Variants in GIT2 observed in about 807,000 individuals in gnomAD.
The protein encoded by GIT2 is GIT ArfGAP 2.
In GIT2, 32 loss-of-function variants were observed where a neutral mutation model predicts 100.3. The observed-to-expected ratio is 0.32, with a 90% CI of 0.24 to 0.43. The LOEUF is 0.43. GIT2 is among the 20% of genes least tolerant of loss of function. The pLI, the probability that GIT2 is intolerant of heterozygous loss-of-function variation, is 1.00. For synonymous variants in GIT2, 353 were observed against 364.1 expected (o/e 0.97, Z 0.35); for missense variants, 737 against 975.1 (o/e 0.76, Z 3.25).
At chr12:109,960,752 A>G (rs554615205) in intron 11 of GIT2, among the ~76,000 whole-genome samples, 1 of 152,320 alleles carries the variant, frequency 6.6e-6, no homozygotes, top group Non-Finnish European at 1.5e-5. Flanking sequence ...TGGTGCTTTG[A>G]TGAAAATCAC....
intron 11 of GIT2, among the ~76,000 whole-genome samples, chr12:109,960,790 G>A (rs1880865770): frequency 6.6e-6 from 1 of 151,978 alleles, no homozygotes; most frequent in Non-Finnish European, 1.5e-5. Context: ...TATTTTATTA[G>A]AGCATATTCT....
Position 109,959,889 on chromosome 12 carries a change from C to A in GIT2, c.1057G>T (p.Ala353Ser). The change falls in exon 12 of 20, where the codon GCC becomes TCC. Residue 353 changes from alanine to serine, a missense_variant. Ala to Ser is a moderately conservative substitution (Grantham distance 99). This residue lies in a region of GIT2 where 451 missense variants were observed against 543.7 expected (regional missense o/e 0.83). Coordinates refer to ENST00000355312, the MANE Select transcript of GIT2 (RefSeq NM_057169.5). ...GAACTGCCCTGCTGTCTCCTCTTGG[C>A]GTCACTGAGAATGTCAATGACCAGC... The part of the protein sequence containing the change: ...ATLVIDILSD[A>S]KRRQQGSSLS... The A allele has an allele frequency of 6.2e-7, 1 of 1,613,224 alleles. No individual in the cohort carries two copies. Among genetic ancestry groups the A allele is most frequent in the Non-Finnish European group, 8.5e-7 (1 of 1,179,232 alleles).
At chr12:109,972,016 T>A (rs1485791391) in intron 7 of GIT2, among the ~76,000 whole-genome samples, 5 of 151,176 alleles carry the variant, frequency 3.3e-5, no homozygotes, top group African/African-American at 9.8e-5. Flanking sequence ...AAAAAATATA[T>A]ATATATATAT....
chr12:109,947,651 G>C lies in GIT2; in HGVS notation c.1393-147C>G. 1 of 689,030 alleles carries C rather than the reference G, an allele frequency of 1.5e-6. No individual in the cohort carries two copies. Among genetic ancestry groups the C allele is most frequent in the Non-Finnish European group, 2.5e-6 (1 of 404,626 alleles). 42.7% of individuals were successfully genotyped at this position (689,030 alleles called of 1,614,324 possible). Reference sequence around the variant, plus strand: ...GAAAGTAAAAAGCCAATACAAACAAGGACCCTTTCTTCTGGATTGGGTGAA... The same window carrying C: ...GAAAGTAAAAAGCCAATACAAACAACGACCCTTTCTTCTGGATTGGGTGAA... On this transcript the variant is annotated intron_variant, in intron 14 of 19. Coordinates refer to ENST00000355312, the MANE Select transcript of GIT2 (RefSeq NM_057169.5). The surrounding 1 kb of genome is among the most constrained non-coding windows in gnomAD (Gnocchi z 4.3).
upstream of GIT2, among the ~76,000 whole-genome samples, chr12:110,000,000 G>C (rs1889866022): frequency 6.6e-6 from 1 of 152,122 alleles, no homozygotes; most frequent in South Asian, 2.1e-4. This position sits in a 1 kb window ranked among gnomAD's most constrained non-coding sequence, Gnocchi z 4.3. Context: ...TTCCAATAAC[G>C]CTGGTGGGTA....
At position 109,947,147 on chromosome 12, in the gene GIT2, TAGTCC is replaced by T; in HGVS notation, c.1641+104_1641+108del. ...ACAGCAAACACAATGGTAACTCTCT[TAGTCC>T]AATTTGGCAAAGCAGAGCTGTGGGG... On this transcript the variant is annotated intron_variant, in intron 15 of 19. Coordinates refer to ENST00000355312, the MANE Select transcript of GIT2 (RefSeq NM_057169.5). This position sits in a 1 kb window ranked among gnomAD's most constrained non-coding sequence, Gnocchi z 4.3. 3 of 985,406 alleles carry T rather than the reference TAGTCC, an allele frequency of 3.0e-6. No homozygotes were observed. The South Asian group carries it at 4.7e-5, about 15-fold the overall frequency. The allele number at this position is 985,406 out of a possible 1,614,324, so 61.0% of individuals were successfully genotyped here. A position where few individuals can be genotyped will look rare whatever the true frequency, so the allele number is the denominator to read the frequency against.
In GIT2 at chr12:109,932,800, G is replaced by A. The variant is rs543544336; in HGVS notation, c.*178C>T. On this transcript the variant is annotated 3_prime_UTR_variant, in exon 20 of 20. Transcript: ENST00000355312. ...AAATAGGCACAAAATAAGGCAAGTG[G>A]GTTAAATAGTTGAAAATTGGTTAGA... 1.0e-3 allele frequency: 585 copies of A among 577,652 alleles called. 3 individuals carry two copies. Among genetic ancestry groups the A allele is most frequent in the South Asian group, 2.4e-3 (113 of 47,366 alleles). 35.8% of individuals were successfully genotyped at this position (577,652 alleles called of 1,614,324 possible). A position where few individuals can be genotyped will look rare whatever the true frequency, so the allele number is the denominator to read the frequency against.
chr12:109,994,075 C>CAAAAA (rs34393850), intron 1 of GIT2, among the ~76,000 whole-genome samples: 1 of 59,668 alleles, frequency 1.7e-5, no homozygotes, highest in African/African-American at 5.5e-5. Context: ...ACACTAATGG[C>CAAAAA]AAAAAAAAAA....
intron 18 of GIT2, among the ~76,000 whole-genome samples, chr12:109,935,555 C>T (rs1434086691): frequency 6.6e-6 from 1 of 152,226 alleles, no homozygotes; most frequent in African/African-American, 2.4e-5. Context: ...GTTTGCACCA[C>T]CACACCCGGC....
At chr12:109,988,848 CAAAAAAAAAAAAA>C (rs59956597) in intron 4 of GIT2, 102 bp downstream of exon 4, 1 of 197,294 alleles carries the variant, frequency 5.1e-6, no homozygotes, top group Non-Finnish European at 9.1e-6. Context: ...GACTCTGTCT[CAAAAAAAAAAAAA>C]AAAAAAAAAA....
intron 14 of GIT2, chr12:109,949,104 G>A (rs1448533380): frequency 1.9e-6 from 1 of 519,666 alleles, no homozygotes; most frequent in Non-Finnish European, 3.4e-6. Context: ...AAGGCTGGCA[G>A]GGTATAGCTC....
At chr12:109,938,931 C>T in intron 17 of GIT2, 3 of 522,728 alleles carry the variant, frequency 5.7e-6, no homozygotes, top group Admixed American at 6.9e-5. Flanking sequence ...TTTAAACACA[C>T]TACAGACAGC....
rs768896353 is a variant in GIT2, at chr12:109,939,147, C to T, written c.1814+18G>A. 1 of 1,552,678 alleles carries T rather than the reference C, an allele frequency of 6.4e-7. No individual in the cohort carries two copies. The highest frequency in any genetic ancestry group is 2.2e-5 in the East Asian group (1 of 44,504). On this transcript the variant is annotated intron_variant, in intron 17 of 19. Transcript: ENST00000355312. ...CCTGGGGAGCCCCTCCCCTGGCACG[C>T]TCGTCCTGTGCATGTACCCCATGCC...
intron 17 of GIT2, 118 bp downstream of exon 17, chr12:109,939,047 A>G: frequency 1.5e-6 from 1 of 685,282 alleles, no homozygotes; most frequent in Non-Finnish European, 2.7e-6. Context: ...TTAAGACTTT[A>G]TGAGTCTGAA....
chr12:109,942,865 T>C (rs1346568352), intron 16 of GIT2: 2 of 152,208 alleles, frequency 1.3e-5, no homozygotes, highest in Non-Finnish European at 2.9e-5. Flanking sequence ...CCTTCCATCG[T>C]TGTCAACAAA....
intron 12 of GIT2, among the ~76,000 whole-genome samples, chr12:109,957,559 T>G (rs913498882): frequency 6.6e-6 from 1 of 151,180 alleles, no homozygotes; most frequent in African/African-American, 2.4e-5. Context: ...CAGGCTAGAG[T>G]GCAGTGGTGC....
In GIT2 at chr12:109,991,802, G is replaced by A. The variant is rs1888454031; in HGVS notation, c.53-42C>T. ...ATCTCAGTGGCAGGGATACCAGCAGGTTGCTATACCGCCAGATGGCAAAAG... is the reference window on the plus strand; with the variant it reads ...ATCTCAGTGGCAGGGATACCAGCAGATTGCTATACCGCCAGATGGCAAAAG... On this transcript the variant is annotated intron_variant, in intron 1 of 19. Coordinates refer to ENST00000355312, the MANE Select transcript of GIT2 (RefSeq NM_057169.5). 1.9e-6 allele frequency: 3 copies of A among 1,577,204 alleles called. No homozygotes were observed. In the African/African-American group the frequency reaches 4.1e-5, roughly 21 times the overall value.
intron 4 of GIT2, 144 bp from the exon 5 acceptor site, chr12:109,983,838 C>G: frequency 3.3e-6 from 2 of 599,262 alleles, no homozygotes; most frequent in Non-Finnish European, 6.0e-6. Context: ...GGACCAGTCT[C>G]TCCTTTGCCA....
intron 9 of GIT2, among the ~76,000 whole-genome samples, chr12:109,964,266 C>G (rs1054546756): frequency 6.6e-6 from 1 of 152,072 alleles, no homozygotes; most frequent in Non-Finnish European, 1.5e-5. Context: ...ACACACAAAA[C>G]TGTAGATACA....
Sources: gnomAD v4.1 joint callset for allele counts (sites outside exome capture counted in the v4.1 genomes callset) on GRCh38, gnomAD v4.1.1 for gene constraint, gnomAD v4.1.1 regional missense constraint, Gnocchi (gnomAD v3.1) non-coding constraint, MANE v1.5 for transcripts, NCBI Gene and HGNC (gene_info 2026-07-23, HGNC 2026-07-21) for gene names.